Variants in LHFPL6 observed in about 807,000 individuals in gnomAD.
LHFPL6 encodes the protein LHFPL tetraspan subfamily member 6, also known as LHFPL tetraspan subfamily member 6 protein.
Under a neutral mutation model 20.6 loss-of-function variants are expected in LHFPL6, and 9 were observed. The observed-to-expected ratio is 0.44, with a 90% CI of 0.26 to 0.76. The LOEUF is 0.76. Ranked by LOEUF, LHFPL6 falls within the 30% of genes least tolerant of loss-of-function variation. The pLI is 0.20. For missense variants in LHFPL6, 218 were observed against 253.5 expected (o/e 0.86, Z 0.95); for synonymous variants, 105 against 98.7 (o/e 1.06, Z -0.38).
chr13:39,543,092 C>T (rs536994087), intron 2 of LHFPL6, among the ~76,000 whole-genome samples: 3 of 152,226 alleles, frequency 2.0e-5, no homozygotes, highest in East Asian at 3.9e-4. Flanking sequence ...CTAGGGACCC[C>T]ATATAAATGA....
chr13:39,392,622 AAG>A (rs1468385639), intron 2 of LHFPL6, among the ~76,000 whole-genome samples: 1 of 148,878 alleles, frequency 6.7e-6, no homozygotes, highest in African/African-American at 2.5e-5. Flanking sequence ...AACAAAACAA[AAG>A]AGTAAATGCT....
At chr13:39,562,425 TATATAC>T (rs1354159104) in intron 2 of LHFPL6, among the ~76,000 whole-genome samples, 1 of 99,000 alleles carries the variant, frequency 1.0e-5, no homozygotes, top group African/African-American at 3.3e-5. Flanking sequence ...CACATATACA[TATATAC>T]ATATATACAT....
At chr13:39,367,631 G>T (rs932191617) in intron 3 of LHFPL6, among the ~76,000 whole-genome samples, 1 of 152,126 alleles carries the variant, frequency 6.6e-6, no homozygotes, top group Non-Finnish European at 1.5e-5. Context: ...ACTTCCAAAT[G>T]TTGTTTACTA....
chr13:39,518,036 T>C (rs892950119), intron 2 of LHFPL6, among the ~76,000 whole-genome samples: 3 of 152,204 alleles, frequency 2.0e-5, no homozygotes, highest in South Asian at 2.1e-4. Flanking sequence ...TCCCTTCCTC[T>C]AATTCATCCA....
At chr13:39,347,930 T>C (rs1027709251) in intron 3 of LHFPL6, among the ~76,000 whole-genome samples, 1 of 152,182 alleles carries the variant, frequency 6.6e-6, no homozygotes, top group Non-Finnish European at 1.5e-5. Flanking sequence ...TGACCTAACA[T>C]GAAAAGTAGA....
chr13:39,378,348 C>G (rs949603954), intron 3 of LHFPL6, 80 bp downstream of exon 3: 1 of 1,159,010 alleles, frequency 8.6e-7, no homozygotes, highest in African/African-American at 1.5e-5. Context: ...CTTATCTGTC[C>G]CCTTTCCACT....
chr13:39,535,392 A>G (rs941380824), intron 2 of LHFPL6, among the ~76,000 whole-genome samples: 3 of 152,236 alleles, frequency 2.0e-5, no homozygotes, highest in African/African-American at 7.2e-5. Flanking sequence ...GGTGATCCCA[A>G]TGATCACTTA....
At chr13:39,538,875 T>TTTATTCATCTACCATGGAG (rs1870707835) in intron 2 of LHFPL6, among the ~76,000 whole-genome samples, 2 of 152,208 alleles carry the variant, frequency 1.3e-5, no homozygotes, top group African/African-American at 4.8e-5. Flanking sequence ...TAAAATGTGA[T>TTTATTCATCTACCATGGAG]TTATTCATCT....
chr13:39,475,129 A>G (rs1873050760), intron 2 of LHFPL6, among the ~76,000 whole-genome samples: 1 of 152,136 alleles, frequency 6.6e-6, no homozygotes, highest in Non-Finnish European at 1.5e-5. Context: ...CGACAGACAG[A>G]GCTGAGTAGT....
chr13:39,343,490 G>A lies in LHFPL6; in HGVS notation c.*446C>T, dbSNP rs888605866. ...CGTGACCTACAGGGAACATCTTTGG[G>A]GGTACCCTGCTTCCCAACATAACAC... On this transcript the variant is annotated 3_prime_UTR_variant, in exon 4 of 4. Coordinates refer to ENST00000379589, the MANE Select transcript of LHFPL6 (RefSeq NM_005780.3). The A allele has an allele frequency of 1.7e-5, 4 of 232,988 alleles. No homozygotes were observed. Among genetic ancestry groups the A allele is most frequent in the Non-Finnish European group, 2.5e-5 (3 of 117,910 alleles). 14.4% of individuals were successfully genotyped at this position (232,988 alleles called of 1,614,324 possible).
intron 2 of LHFPL6, among the ~76,000 whole-genome samples, chr13:39,411,751 A>T (rs955668965): frequency 6.6e-6 from 1 of 152,230 alleles, no homozygotes; most frequent in Admixed American, 6.5e-5. Flanking sequence ...AAGTAGAACT[A>T]TAGCCCTTGC....
intron 3 of LHFPL6, among the ~76,000 whole-genome samples, chr13:39,367,851 G>A (rs536306900): frequency 2.6e-5 from 4 of 152,176 alleles, no homozygotes; most frequent in Admixed American, 6.5e-5. Context: ...GAAGATCAAA[G>A]GTTACCATAA....
intron 2 of LHFPL6, among the ~76,000 whole-genome samples, chr13:39,402,712 A>C (rs1391768408): frequency 6.6e-6 from 1 of 152,246 alleles, no homozygotes; most frequent in Non-Finnish European, 1.5e-5. Flanking sequence ...TCTGCTATGA[A>C]GGCAAACGAA....
At chr13:39,404,068 G>A (rs1402132363) in intron 2 of LHFPL6, among the ~76,000 whole-genome samples, 6 of 152,224 alleles carry the variant, frequency 3.9e-5, no homozygotes, top group Non-Finnish European at 1.5e-5. Context: ...ACTTTGTGGA[G>A]CTCAAGGAAC....
intron 3 of LHFPL6, among the ~76,000 whole-genome samples, chr13:39,350,112 C>CA (rs1374652924): frequency 6.6e-6 from 1 of 152,210 alleles, no homozygotes; most frequent in African/African-American, 2.4e-5. Context: ...ACAATACAGA[C>CA]AGAGTCTTTG....
chr13:39,438,873 G>A (rs1223208067), intron 2 of LHFPL6, among the ~76,000 whole-genome samples: 1 of 152,350 alleles, frequency 6.6e-6, no homozygotes, highest in African/African-American at 2.4e-5. Context: ...GTACAGAAAA[G>A]CCTAAATGTT....
intron 2 of LHFPL6, among the ~76,000 whole-genome samples, chr13:39,576,366 G>A (rs1593370972): frequency 1.3e-5 from 2 of 152,062 alleles, no homozygotes; most frequent in Non-Finnish European, 2.9e-5. Context: ...CATCAAAGAT[G>A]GTAAATTAAG....
intron 2 of LHFPL6, among the ~76,000 whole-genome samples, chr13:39,568,071 A>AT (rs1223973735): frequency 3.0e-4 from 46 of 152,288 alleles, no homozygotes; most frequent in Non-Finnish European, 3.8e-4. Flanking sequence ...ATTGGGAGTT[A>AT]TTTTTTCTTG....
chr13:39,552,566 A>G (rs904185004), intron 2 of LHFPL6, among the ~76,000 whole-genome samples: 4 of 152,192 alleles, frequency 2.6e-5, no homozygotes, highest in Non-Finnish European at 5.9e-5. Flanking sequence ...CACATTCAAG[A>G]CCACTGGATA....
Sources: allele counts gnomAD v4.1 joint callset (sites outside exome capture counted in the v4.1 genomes callset), GRCh38; gene constraint gnomAD v4.1.1; transcripts MANE v1.5; gene names NCBI Gene and HGNC (gene_info 2026-07-23, HGNC 2026-07-21).